SPMIP3: variants seen among roughly 807,000 people sequenced by gnomAD.
The protein encoded by SPMIP3 is protein SPMIP3.
the SPMIP3 span, chr1:244,378,732 T>A: frequency 1.5e-6 from 2 of 1,377,104 alleles, no homozygotes; most frequent in African/African-American, 2.9e-5. Flanking sequence ...TCAGGGAGCC[T>A]GTTTGGGACC....
the SPMIP3 span, among the ~76,000 whole-genome samples, chr1:244,387,788 G>A: frequency 6.6e-6 from 1 of 152,162 alleles, no homozygotes. Context: ...ATGGGGGAGT[G>A]AAGAGAAGTA....
At chr1:244,364,640 T>C in the SPMIP3 span, 1 of 1,476,376 alleles carries the variant, frequency 6.8e-7, no homozygotes, top group East Asian at 2.3e-5. Context: ...CCCATGGAAT[T>C]ATGTATAAAC....
chr1:244,382,117 A>G, the SPMIP3 span, among the ~76,000 whole-genome samples: 2 of 152,326 alleles, frequency 1.3e-5, no homozygotes, highest in African/African-American at 4.8e-5. Context: ...GTTATGAACC[A>G]GACACTGCTA....
At chr1:244,384,000 C>G in the SPMIP3 span, among the ~76,000 whole-genome samples, 22 of 152,188 alleles carry the variant, frequency 1.4e-4, no homozygotes, top group African/African-American at 5.3e-4. Context: ...ATGGATGTAC[C>G]AAAATCTCAC....
the SPMIP3 span, among the ~76,000 whole-genome samples, chr1:244,385,265 G>C: frequency 6.6e-6 from 1 of 152,180 alleles, no homozygotes; most frequent in African/African-American, 2.4e-5. Flanking sequence ...TTTATGTTCA[G>C]TTCTCTGAGG....
chr1:244,384,598 G>A, the SPMIP3 span, among the ~76,000 whole-genome samples: 8 of 152,152 alleles, frequency 5.3e-5, no homozygotes, highest in Non-Finnish European at 8.8e-5. Flanking sequence ...CAGGATCTCC[G>A]TGTGGGGCGG....
the SPMIP3 span, among the ~76,000 whole-genome samples, chr1:244,383,191 A>G: frequency 6.6e-6 from 1 of 152,184 alleles, no homozygotes; most frequent in Admixed American, 6.5e-5. Context: ...TACCACATGA[A>G]GCAAAAATAG....
the SPMIP3 span, among the ~76,000 whole-genome samples, chr1:244,352,899 T>C: frequency 6.6e-6 from 1 of 152,252 alleles, no homozygotes; most frequent in Non-Finnish European, 1.5e-5. Context: ...TTTTGGAAAG[T>C]GAATACTCAT....
At chr1:244,355,676 G>A in the SPMIP3 span, among the ~76,000 whole-genome samples, 1 of 152,164 alleles carries the variant, frequency 6.6e-6, no homozygotes, top group South Asian at 2.1e-4. Flanking sequence ...ATGAGCCACC[G>A]CGCCCAGCCC....
At chr1:244,380,347 T>C in the SPMIP3 span, among the ~76,000 whole-genome samples, 1 of 152,076 alleles carries the variant, frequency 6.6e-6, no homozygotes, top group Admixed American at 6.6e-5. Flanking sequence ...CTCGAACTCC[T>C]GATCTGAAGT....
chr1:244,364,630 C>A, the SPMIP3 span: 1 of 1,402,814 alleles, frequency 7.1e-7, no homozygotes, highest in Non-Finnish European at 1.0e-6. Context: ...AGATATCTCA[C>A]CCATGGAATT....
the SPMIP3 span, chr1:244,364,752 C>T: frequency 2.5e-6 from 4 of 1,614,056 alleles, no homozygotes; most frequent in South Asian, 4.4e-5. Flanking sequence ...AGTGATCCCG[C>T]CAAGGTATAG....
At chr1:244,388,712 T>G in the SPMIP3 span, among the ~76,000 whole-genome samples, 1 of 152,254 alleles carries the variant, frequency 6.6e-6, no homozygotes, top group Non-Finnish European at 1.5e-5. Flanking sequence ...TGCAAATTTA[T>G]GTAATTTATT....
the SPMIP3 span, among the ~76,000 whole-genome samples, chr1:244,354,438 C>T: frequency 6.8e-6 from 1 of 147,380 alleles, no homozygotes; most frequent in South Asian, 2.1e-4. Flanking sequence ...CTCACTGAAG[C>T]TTCCACCTCC....
At chr1:244,367,935 G>T in the SPMIP3 span, among the ~76,000 whole-genome samples, 20 of 152,216 alleles carry the variant, frequency 1.3e-4, no homozygotes, top group South Asian at 4.2e-3. Context: ...AGGAAGGAAA[G>T]GTTTTTGGTT....
chr1:244,384,571 C>T, the SPMIP3 span, among the ~76,000 whole-genome samples: 1 of 152,140 alleles, frequency 6.6e-6, no homozygotes, highest in East Asian at 1.9e-4. Context: ...CCAGGCTATA[C>T]CCAATACCAG....
the SPMIP3 span, among the ~76,000 whole-genome samples, chr1:244,354,995 C>T: frequency 3.3e-5 from 5 of 152,134 alleles, no homozygotes; most frequent in African/African-American, 7.2e-5. Context: ...AGCAACATGG[C>T]GGCGAAATCA....
chr1:244,373,737 A>AGTAAAGTCAT, the SPMIP3 span, among the ~76,000 whole-genome samples: 2 of 151,936 alleles, frequency 1.3e-5, no homozygotes, highest in Admixed American at 6.6e-5. Flanking sequence ...TCATAGCAAA[A>AGTAAAGTCAT]ACCGCAATTA....
At chr1:244,364,881 C>T in the SPMIP3 span, 6 of 1,035,426 alleles carry the variant, frequency 5.8e-6, no homozygotes, top group Admixed American at 1.0e-4. Flanking sequence ...TCTAGGGAAG[C>T]TCTTTGGATA....
Sources: gnomAD v4.1 joint callset for allele counts (sites outside exome capture counted in the v4.1 genomes callset) on GRCh38, gnomAD v4.1.1 for gene constraint, MANE v1.5 for transcripts, NCBI Gene and HGNC (gene_info 2026-07-23, HGNC 2026-07-21) for gene names.